Variants in SNTB2 observed in about 807,000 individuals in gnomAD.
SNTB2 encodes the protein syntrophin beta 2, also known as beta-2-syntrophin.
A neutral mutation model predicts 46.2 loss-of-function variants in SNTB2; 34 were observed. The ratio of observed to expected loss-of-function variants is 0.74; its 90% CI spans 0.56 to 0.98. The LOEUF (loss-of-function observed/expected upper bound fraction) is 0.98. Ranked by LOEUF, SNTB2 falls within the 50% of genes least tolerant of loss-of-function variation. The pLI is 0.00. For missense variants in SNTB2, 603 were observed against 731.4 expected (o/e 0.82, Z 2.02); for synonymous variants, 290 against 312.6 (o/e 0.93, Z 0.76).
intron 1 of SNTB2, among the ~76,000 whole-genome samples, chr16:69,188,947 T>C (rs1020590284): frequency 9.9e-5 from 15 of 152,026 alleles, no homozygotes; most frequent in Admixed American, 8.5e-4. Context: ...GTGATGGACA[T>C]AGGCAGGCAG....
chr16:69,219,465 T>G (rs1381232023), intron 1 of SNTB2, among the ~76,000 whole-genome samples: 1 of 152,200 alleles, frequency 6.6e-6, no homozygotes, highest in East Asian at 1.9e-4. Context: ...GCTGAGAATC[T>G]TAAGTGCATG....
At chr16:69,286,064 G>A (rs1965099606) in intron 5 of SNTB2, among the ~76,000 whole-genome samples, 1 of 152,060 alleles carries the variant, frequency 6.6e-6, no homozygotes, top group South Asian at 2.1e-4. Context: ...GCCTACCTTG[G>A]CCTCCCAAAG....
intron 4 of SNTB2, among the ~76,000 whole-genome samples, chr16:69,281,978 C>T (rs1286833560): frequency 1.4e-5 from 2 of 146,606 alleles, no homozygotes; most frequent in Non-Finnish European, 3.0e-5. Flanking sequence ...CAATCTCGGC[C>T]ACTGCAACCT....
intron 1 of SNTB2, among the ~76,000 whole-genome samples, chr16:69,202,782 G>A (rs1036359010): frequency 6.6e-6 from 1 of 152,014 alleles, no homozygotes. Flanking sequence ...CGCCATGTTG[G>A]CCAGGCTGGT....
chr16:69,245,412 C>T (rs1314655996), intron 1 of SNTB2, among the ~76,000 whole-genome samples, 190 bp from the exon 2 acceptor site: 2 of 152,114 alleles, frequency 1.3e-5, no homozygotes, highest in Non-Finnish European at 2.9e-5. Context: ...CCAGGCTGGC[C>T]TTGAACTCCT....
At chr16:69,196,638 C>G (rs1334676394) in intron 1 of SNTB2, among the ~76,000 whole-genome samples, 5 of 151,986 alleles carry the variant, frequency 3.3e-5, no homozygotes, top group South Asian at 2.1e-4. Context: ...CTCCCAAAGT[C>G]CTGGGATTAC....
At chr16:69,201,439 A>C (rs531750357) in intron 1 of SNTB2, among the ~76,000 whole-genome samples, 1 of 152,300 alleles carries the variant, frequency 6.6e-6, no homozygotes, top group South Asian at 2.1e-4. Flanking sequence ...AAACATAGCA[A>C]AATGGAAAGG....
At position 69,187,363 on chromosome 16, in the gene SNTB2, C is replaced by T. The variant is rs1963999108; in HGVS notation, c.197C>T (p.Ala66Val). 3 of 1,392,096 alleles carry T rather than the reference C, an allele frequency of 2.2e-6. No homozygotes were observed. Among genetic ancestry groups the T allele is most frequent in the Non-Finnish European group, 2.8e-6 (3 of 1,072,164 alleles). 86.2% of individuals were successfully genotyped at this position (1,392,096 alleles called of 1,614,324 possible). A position where few individuals can be genotyped will look rare whatever the true frequency, so the allele number is the denominator to read the frequency against. Residue 66 changes from alanine to valine, a missense_variant, in exon 1 of 7, where the codon GCG (alanine) becomes GTG (valine). Ala to Val is a moderately conservative substitution (Grantham distance 64). Transcript: ENST00000336278. ...AAELEPALGP[A>V]AAAFNGLPNG... is the part of the protein sequence containing the mutation. Reference sequence around the variant, plus strand: ...GAGCTGGAGCCCGCTCTGGGACCCGCGGCCGCCGCCTTCAACGGCCTCCCA... The same window carrying T: ...GAGCTGGAGCCCGCTCTGGGACCCGTGGCCGCCGCCTTCAACGGCCTCCCA...
At chr16:69,238,581 CAG>C (rs1964580041) in intron 1 of SNTB2, among the ~76,000 whole-genome samples, 1 of 152,224 alleles carries the variant, frequency 6.6e-6, no homozygotes, top group African/African-American at 2.4e-5. Context: ...TCCTGAACTG[CAG>C]ACTTATATAT....
intron 1 of SNTB2, among the ~76,000 whole-genome samples, chr16:69,205,712 T>C (rs569164787): frequency 5.7e-4 from 87 of 152,286 alleles, no homozygotes; most frequent in African/African-American, 1.8e-3. Flanking sequence ...CCTGCTTCTT[T>C]CATATTTCTC....
At chr16:69,229,240 A>C (rs2152294676) in intron 1 of SNTB2, among the ~76,000 whole-genome samples, 1 of 152,240 alleles carries the variant, frequency 6.6e-6, no homozygotes, top group Non-Finnish European at 1.5e-5. Context: ...GGCACGATCA[A>C]GACACTGTAG....
chr16:69,210,230 G>A (rs1448036316), intron 1 of SNTB2, among the ~76,000 whole-genome samples: 3 of 149,876 alleles, frequency 2.0e-5, no homozygotes, highest in Non-Finnish European at 3.0e-5. Flanking sequence ...AATGTATTAC[G>A]GTTTTTTGTT....
chr16:69,255,754 C>G (rs13339524), intron 2 of SNTB2, among the ~76,000 whole-genome samples: 49,767 of 151,094 alleles, frequency 0.33, 8,880 homozygotes, highest in African/African-American at 0.45. Flanking sequence ...GGTGGCACTT[C>G]CCTGTAATCC....
At chr16:69,279,515 CT>C (rs57637291) in intron 4 of SNTB2, among the ~76,000 whole-genome samples, 2,131 of 71,596 alleles carry the variant, frequency 0.03, 3 homozygotes, top group South Asian at 0.038. Context: ...GTCCTTTGCC[CT>C]TTTTTTTTTT....
At chr16:69,230,338 C>T (rs575420516) in intron 1 of SNTB2, 5 of 151,570 alleles carry the variant, frequency 3.3e-5, no homozygotes, top group African/African-American at 1.2e-4. Flanking sequence ...ATTCTGATAC[C>T]CTTAATTTTA....
rs1218436126 is a variant in SNTB2, at chr16:69,300,997, A to G, written c.*73A>G. ...CACCTCAAAAAAAAAAAAGCACAAA[A>G]AGAAACTCTTTGCTCTCCTTCAGCA... On this transcript the variant is annotated 3_prime_UTR_variant, in exon 7 of 7. Transcript: ENST00000336278. 3.1e-6 allele frequency: 3 copies of G among 969,744 alleles called. No individual in the cohort carries two copies. The highest frequency in any genetic ancestry group is 1.6e-5 in the African/African-American group (1 of 61,046). The allele number at this position is 969,744 out of a possible 1,614,324, so 60.1% of individuals were successfully genotyped here. A position where few individuals can be genotyped will look rare whatever the true frequency, so the allele number is the denominator to read the frequency against.
intron 5 of SNTB2, among the ~76,000 whole-genome samples, chr16:69,293,538 G>A (rs1965194498): frequency 6.6e-6 from 1 of 152,208 alleles, no homozygotes; most frequent in African/African-American, 2.4e-5. Context: ...CTGAGGAGTG[G>A]ACGTGAGGTG....
At chr16:69,198,408 C>G (rs1398307911) in intron 1 of SNTB2, among the ~76,000 whole-genome samples, 1 of 152,130 alleles carries the variant, frequency 6.6e-6, no homozygotes, top group Non-Finnish European at 1.5e-5. Context: ...CATGCCTGGC[C>G]TATTTTTCAC....
chr16:69,240,072 A>G (rs991298306), intron 1 of SNTB2, among the ~76,000 whole-genome samples: 1 of 152,224 alleles, frequency 6.6e-6, no homozygotes, highest in Non-Finnish European at 1.5e-5. Flanking sequence ...ACTTACGAAT[A>G]GAGCTGCTAA....
Sources: gnomAD v4.1 joint callset for allele counts (sites outside exome capture counted in the v4.1 genomes callset) on GRCh38, gnomAD v4.1.1 for gene constraint, MANE v1.5 for transcripts, NCBI Gene and HGNC (gene_info 2026-07-23, HGNC 2026-07-21) for gene names.